Variants in KSR2 observed in about 807,000 individuals in gnomAD.
KSR2 encodes the protein kinase suppressor of ras 2.
In KSR2, 25 loss-of-function variants were observed where a neutral mutation model predicts 107.8. The observed-to-expected ratio is 0.23, with a 90% confidence interval of 0.17 to 0.32. The LOEUF is 0.32. Among genes scored for constraint, KSR2 ranks in the 10% least tolerant of loss-of-function variants. The pLI is 1.00. For missense variants in KSR2, 887 were observed against 1,268.9 expected, an observed-to-expected ratio of 0.70 and a Z score of 4.57; for synonymous variants, 480 against 507.0, an observed-to-expected ratio of 0.95 and a Z score of 0.71.
intron 4 of KSR2, among the ~76,000 whole-genome samples, chr12:117,751,884 G>A (rs980097381): frequency 3.9e-5 from 6 of 152,148 alleles, no homozygotes; most frequent in African/African-American, 1.2e-4. Context: ...AAATGAGTAT[G>A]GCAGAAGTCT....
intron 3 of KSR2, among the ~76,000 whole-genome samples, chr12:117,825,286 G>A (rs1009449046): frequency 2.0e-5 from 3 of 152,164 alleles, no homozygotes; most frequent in East Asian, 3.9e-4. Flanking sequence ...GTGTGGGTCC[G>A]TGGATGGGTG....
intron 5 of KSR2, among the ~76,000 whole-genome samples, chr12:117,666,804 G>T (rs964622398): frequency 7.2e-5 from 11 of 152,190 alleles, no homozygotes; most frequent in Non-Finnish European, 1.3e-4. Flanking sequence ...GCTTTATTCA[G>T]TGGGGGTGCC....
intron 3 of KSR2, among the ~76,000 whole-genome samples, chr12:117,775,653 G>T (rs950825031): frequency 3.9e-5 from 6 of 152,126 alleles, no homozygotes; most frequent in African/African-American, 1.4e-4. Context: ...GTACCCAGGG[G>T]ATAGGAATCA....
chr12:117,957,416 C>T (rs748123744), intron 1 of KSR2, among the ~76,000 whole-genome samples: 24 of 152,078 alleles, frequency 1.6e-4, no homozygotes, highest in Non-Finnish European at 2.9e-4. Flanking sequence ...GTCCCTTTTC[C>T]CTTCCCATCT....
At chr12:117,872,626 T>G (rs1313659553) in intron 1 of KSR2, among the ~76,000 whole-genome samples, 1 of 152,072 alleles carries the variant, frequency 6.6e-6, no homozygotes, top group East Asian at 1.9e-4. Flanking sequence ...TCAGTGAATC[T>G]GGAGACAGCC....
intron 3 of KSR2, among the ~76,000 whole-genome samples, chr12:117,814,311 T>C (rs574164283): frequency 1.3e-5 from 2 of 152,278 alleles, no homozygotes; most frequent in South Asian, 2.1e-4. Flanking sequence ...ATGATGAATA[T>C]GGTAATTACC....
At chr12:117,813,643 G>A (rs1027805649) in intron 3 of KSR2, among the ~76,000 whole-genome samples, 1 of 152,100 alleles carries the variant, frequency 6.6e-6, no homozygotes, top group Non-Finnish European at 1.5e-5. Flanking sequence ...AATAACAAAT[G>A]CAGAGAAAAA....
At chr12:117,563,000 G>A (rs1878224307) in intron 7 of KSR2, among the ~76,000 whole-genome samples, 1 of 152,166 alleles carries the variant, frequency 6.6e-6, no homozygotes, top group African/African-American at 2.4e-5. Flanking sequence ...CACAGACTCT[G>A]GAGACAGAGG....
intron 3 of KSR2, among the ~76,000 whole-genome samples, chr12:117,816,040 T>TGTGTGTGTGTG (rs1891358935): frequency 1.1e-5 from 1 of 91,958 alleles, no homozygotes; most frequent in Non-Finnish European, 2.2e-5. Flanking sequence ...TGTGTGTGTG[T>TGTGTGTGTGTG]TGGGGAGGTG....
At chr12:117,740,824 T>C (rs1888193447) in intron 4 of KSR2, among the ~76,000 whole-genome samples, 1 of 152,052 alleles carries the variant, frequency 6.6e-6, no homozygotes, top group African/African-American at 2.4e-5. Context: ...CTTGGCACAC[T>C]CTGCCAGGTG....
At chr12:117,759,160 A>G (rs1382813156) in intron 4 of KSR2, among the ~76,000 whole-genome samples, 1 of 152,240 alleles carries the variant, frequency 6.6e-6, no homozygotes, top group Non-Finnish European at 1.5e-5. Context: ...TTCCACGTCA[A>G]TCACTGTAGG....
chr12:117,603,867 A>G (rs1311029301), intron 5 of KSR2, among the ~76,000 whole-genome samples: 2 of 152,224 alleles, frequency 1.3e-5, no homozygotes, highest in Non-Finnish European at 2.9e-5. Context: ...AGGGCTAAAC[A>G]GAAACCAGCC....
At chr12:117,657,271 A>G (rs1884225064) in intron 5 of KSR2, among the ~76,000 whole-genome samples, 1 of 152,000 alleles carries the variant, frequency 6.6e-6, no homozygotes, top group Non-Finnish European at 1.5e-5. Flanking sequence ...CACCAAATAG[A>G]GCATAAAAGT....
chr12:117,526,221 C>T (rs375110865), intron 13 of KSR2, among the ~76,000 whole-genome samples: 39 of 152,216 alleles, frequency 2.6e-4, no homozygotes, highest in Middle Eastern at 3.2e-3. Flanking sequence ...CGTACTTCGG[C>T]GTAACTACCA....
At chr12:117,554,495 C>T (rs1035873962) in intron 9 of KSR2, among the ~76,000 whole-genome samples, 6 of 152,142 alleles carry the variant, frequency 3.9e-5, no homozygotes, top group African/African-American at 1.4e-4. Flanking sequence ...TTGGCTGGGT[C>T]TCCACCCAAA....
At chr12:117,629,033 T>C (rs75517843) in intron 5 of KSR2, among the ~76,000 whole-genome samples, 2 of 152,256 alleles carry the variant, frequency 1.3e-5, no homozygotes, top group East Asian at 1.9e-4. Context: ...AATCACCTTG[T>C]CTGCCAGTTG....
At chr12:117,689,179 C>T (rs942553825) in intron 4 of KSR2, among the ~76,000 whole-genome samples, 6 of 152,140 alleles carry the variant, frequency 3.9e-5, no homozygotes, top group East Asian at 1.9e-4. Flanking sequence ...TGTAGAAATA[C>T]GATCATACTA....
At chr12:117,817,350 C>CTCTCTT (rs1891409608) in intron 3 of KSR2, among the ~76,000 whole-genome samples, 1 of 152,112 alleles carries the variant, frequency 6.6e-6, no homozygotes, top group South Asian at 2.1e-4. Context: ...TTTGTTCTCT[C>CTCTCTT]TCTCTTTCTC....
At chr12:117,797,667 A>G (rs896875096) in intron 3 of KSR2, among the ~76,000 whole-genome samples, 2 of 137,244 alleles carry the variant, frequency 1.5e-5, no homozygotes, top group African/African-American at 5.2e-5. Context: ...TTTTTTTTTG[A>G]CATAGGGTCC....
Sources: allele counts gnomAD v4.1 joint callset (sites outside exome capture counted in the v4.1 genomes callset), GRCh38; gene constraint gnomAD v4.1.1; transcripts MANE v1.5; gene names NCBI Gene and HGNC (gene_info 2026-07-23, HGNC 2026-07-21).